GRM7: variants seen among roughly 807,000 people sequenced by gnomAD.
GRM7 encodes metabotropic glutamate receptor 7.
A neutral mutation model predicts 84.5 loss-of-function variants in GRM7; 35 were observed. The observed-to-expected ratio is 0.41, with a 90% confidence interval of 0.32 to 0.55. The LOEUF (loss-of-function observed/expected upper bound fraction) is 0.55. Among genes scored for constraint, GRM7 ranks in the 20% least tolerant of loss-of-function variants. The pLI, the probability that GRM7 is intolerant of heterozygous loss-of-function variation, is 0.19. For synonymous variants in GRM7, 487 were observed against 455.1 expected (o/e 1.07, Z -0.89); for missense variants, 1,003 against 1,194.6 (o/e 0.84, Z 2.36).
intron 8 of GRM7, among the ~76,000 whole-genome samples, chr3:7,582,090 G>A (rs1695284346): frequency 6.6e-6 from 1 of 152,128 alleles, no homozygotes; most frequent in African/African-American, 2.4e-5. Context: ...CACTAAAACT[G>A]GTACATCAAT....
At chr3:7,132,440 GA>G (rs753331115) in intron 1 of GRM7, among the ~76,000 whole-genome samples, 10 of 151,702 alleles carry the variant, frequency 6.6e-5, no homozygotes, top group Non-Finnish European at 1.3e-4. Context: ...ATTTTAAAAA[GA>G]AAAAAAGTCA....
In GRM7 at chr3:7,740,986, T is replaced by C. The variant is rs113378949; in HGVS notation, c.*580T>C. On this transcript the variant is annotated 3_prime_UTR_variant, in exon 10 of 10. Transcript: ENST00000357716. Reference sequence around the variant, plus strand: ...GTACATGACTGTATAATTACGATTATAGTACCACTGCACATCATGTTTTTT... The same window carrying C: ...GTACATGACTGTATAATTACGATTACAGTACCACTGCACATCATGTTTTTT... The C allele has an allele frequency of 1.3e-5, 2 of 152,028 alleles. No individual in the cohort carries two copies. Among genetic ancestry groups the C allele is most frequent in the South Asian group, 2.1e-4 (1 of 4,812 alleles). The allele number at this position is 152,028 out of a possible 1,614,324, so 9.4% of individuals were successfully genotyped here. A position where few individuals can be genotyped will look rare whatever the true frequency, so the allele number is the denominator to read the frequency against.
At chr3:7,504,978 T>A (rs1699997740) in intron 7 of GRM7, among the ~76,000 whole-genome samples, 1 of 152,162 alleles carries the variant, frequency 6.6e-6, no homozygotes, top group South Asian at 2.1e-4. Flanking sequence ...CATGGCAAAT[T>A]TCCTCCAGCT....
chr3:7,383,715 G>A (rs1694678718), intron 4 of GRM7, among the ~76,000 whole-genome samples: 1 of 152,034 alleles, frequency 6.6e-6, no homozygotes, highest in African/African-American at 2.4e-5. Flanking sequence ...GGAAGGCAAG[G>A]ATATAAAAAC....
intron 2 of GRM7, among the ~76,000 whole-genome samples, chr3:7,290,038 A>G (rs1288105696): frequency 3.3e-5 from 5 of 151,732 alleles, no homozygotes; most frequent in Non-Finnish European, 7.4e-5. Flanking sequence ...AAATAAAAAA[A>G]GAAAAGTTAT....
At chr3:7,511,127 C>G (rs1700185668) in intron 7 of GRM7, among the ~76,000 whole-genome samples, 1 of 152,088 alleles carries the variant, frequency 6.6e-6, no homozygotes, top group African/African-American at 2.4e-5. Flanking sequence ...CTCTGATTAC[C>G]CACATCCTAA....
intron 4 of GRM7, among the ~76,000 whole-genome samples, chr3:7,308,693 T>A (rs1166032418): frequency 6.6e-6 from 1 of 152,116 alleles, no homozygotes; most frequent in Non-Finnish European, 1.5e-5. Context: ...CTCAGGTGAC[T>A]GTAAGGAGGG....
intron 2 of GRM7, among the ~76,000 whole-genome samples, chr3:7,271,785 A>G (rs1300513528): frequency 6.6e-6 from 1 of 152,190 alleles, no homozygotes; most frequent in Non-Finnish European, 1.5e-5. Flanking sequence ...AAGCCACTTG[A>G]GAAAGCTGCT....
At chr3:7,561,823 A>G (rs1307435369) in intron 7 of GRM7, among the ~76,000 whole-genome samples, 1 of 152,178 alleles carries the variant, frequency 6.6e-6, no homozygotes, top group African/African-American at 2.4e-5. Flanking sequence ...TTGAATTTTT[A>G]AATATATTCA....
chr3:7,645,948 T>A (rs1698618003), intron 8 of GRM7, among the ~76,000 whole-genome samples: 1 of 152,184 alleles, frequency 6.6e-6, no homozygotes, highest in Non-Finnish European at 1.5e-5. Flanking sequence ...TCTGTTTGGT[T>A]GTTTTAATCA....
intron 1 of GRM7, among the ~76,000 whole-genome samples, chr3:7,021,269 C>T (rs1695765411): frequency 6.6e-6 from 1 of 152,124 alleles, no homozygotes; most frequent in South Asian, 2.1e-4. Flanking sequence ...CAGTAGAACA[C>T]TTTTGTCTTA....
intron 2 of GRM7, among the ~76,000 whole-genome samples, chr3:7,195,558 G>T (rs1055909849): frequency 6.6e-6 from 1 of 152,062 alleles, no homozygotes; most frequent in African/African-American, 2.4e-5. Context: ...TGGTATGCTG[G>T]GAGCCATGGA....
At position 7,380,774 on chromosome 3, in the gene GRM7, A is replaced by G. The variant is rs79925270; in HGVS notation, c.1034-34249A>G. 3.4e-4 allele frequency among the ~76,000 whole-genome samples: 52 copies of G among 152,338 alleles called. No individual in the cohort carries two copies. The East Asian group carries it at 9.3e-3, about 27-fold the overall frequency. On this transcript the variant is annotated intron_variant, in intron 4 of 9. Coordinates refer to ENST00000357716, the MANE Select transcript of GRM7 (RefSeq NM_000844.4). ...TGTGTCCTCTGCACTCTGCCAGGTC[A>G]TGAAGGTTCAGCACTGAGAAAAGAA...
chr3:7,562,764 C>T (rs1694085027), intron 7 of GRM7, among the ~76,000 whole-genome samples: 1 of 152,000 alleles, frequency 6.6e-6, no homozygotes, highest in South Asian at 2.1e-4. Context: ...ATCAAGGAGG[C>T]CTCATTTTTC....
intron 1 of GRM7, among the ~76,000 whole-genome samples, chr3:7,123,021 A>T (rs1037117387): frequency 1.8e-4 from 28 of 152,232 alleles, no homozygotes; most frequent in Admixed American, 1.6e-3. Context: ...ATGCACCCTT[A>T]CTTACAGTGA....
At chr3:7,294,019 A>G (rs1325602247) in intron 2 of GRM7, among the ~76,000 whole-genome samples, 1 of 152,178 alleles carries the variant, frequency 6.6e-6, no homozygotes, top group Non-Finnish European at 1.5e-5. Context: ...CTTTATGAAC[A>G]GGTTTATCCC....
At chr3:7,725,262 G>A (rs1205192139) in intron 9 of GRM7, among the ~76,000 whole-genome samples, 2 of 152,108 alleles carry the variant, frequency 1.3e-5, no homozygotes, top group Non-Finnish European at 2.9e-5. Flanking sequence ...CCTGAAGAAA[G>A]AGAAACAGCC....
At chr3:7,634,794 AAAAAAAAAAAAAGAAAAAG>A (rs1383992449) in intron 8 of GRM7, among the ~76,000 whole-genome samples, 1 of 18,754 alleles carries the variant, frequency 5.3e-5, no homozygotes, top group East Asian at 2.5e-3. Context: ...ACTCTGTCTC[AAAAAAAAAAAAAGAAAAAG>A]AAAAAGAAAA....
chr3:6,895,411 AT>A (rs1696140373), intron 1 of GRM7, among the ~76,000 whole-genome samples: 2 of 152,198 alleles, frequency 1.3e-5, no homozygotes, highest in Admixed American at 6.6e-5. Context: ...ACTTGTAATA[AT>A]GACCATCAGA....
Sources: allele counts gnomAD v4.1 joint callset (sites outside exome capture counted in the v4.1 genomes callset), GRCh38; gene constraint gnomAD v4.1.1; transcripts MANE v1.5; gene names NCBI Gene and HGNC (gene_info 2026-07-23, HGNC 2026-07-21).